FUZ: variants seen among roughly 807,000 people sequenced by gnomAD.
The protein encoded by FUZ is fuzzy planar cell polarity protein, also known as protein fuzzy homolog.
In FUZ, 31 loss-of-function variants were observed where a neutral mutation model predicts 43.1. The observed-to-expected ratio is 0.72, with a 90% confidence interval of 0.54 to 0.97. FUZ has a LOEUF of 0.97. Ranked by LOEUF, FUZ falls within the 50% of genes least tolerant of loss-of-function variation. The pLI is 0.00. For missense variants in FUZ, 539 were observed against 543.8 expected (o/e 0.99, Z 0.09); for synonymous variants, 274 against 250.0 (o/e 1.10, Z -0.91).
At position 49,809,482 on chromosome 19, in the gene FUZ, G is replaced by A; in HGVS notation, c.586C>T (p.Arg196Trp). 3 of 1,583,296 alleles carry A rather than the reference G, an allele frequency of 1.9e-6. No individual in the cohort carries two copies. Among genetic ancestry groups the A allele is most frequent in the Non-Finnish European group, 2.6e-6 (3 of 1,169,040 alleles). Residue 196 changes from arginine (R) to tryptophan (W), a missense_variant, in exon 6 of 11, where the codon CGG (arginine) becomes TGG (tryptophan). By Grantham distance (101) the Arg-to-Trp change is moderately radical. Transcript: ENST00000313777. This position sits in a 1 kb window ranked among gnomAD's most constrained non-coding sequence, Gnocchi z 5.1. Reference sequence around the variant, plus strand: ...AGCACGGCCTCGGGCGTCCCCAGCCGCCACCAACCCTCTGTTGCTGCCACC... The same window carrying A: ...AGCACGGCCTCGGGCGTCCCCAGCCACCACCAACCCTCTGTTGCTGCCACC... The part of the protein sequence containing the change: ...RVVAATEGWW[R>W]LGTPEAVLLP...
intron 5 of FUZ, among the ~76,000 whole-genome samples, chr19:49,810,516 T>C (rs1193420083): frequency 1.3e-5 from 2 of 151,202 alleles, no homozygotes; most frequent in Non-Finnish European, 3.0e-5. Context: ...CTACTAAAAA[T>C]ACAAAAAATT....
chr19:49,811,320 G>T, intron 5 of FUZ, 43 bp downstream of exon 5: 1 of 1,374,124 alleles, frequency 7.3e-7, no homozygotes, highest in Non-Finnish European at 1.0e-6. Flanking sequence ...CTGAGCCAGG[G>T]CCAGCAGAAC....
At position 49,813,219 on chromosome 19, in the gene FUZ, G is replaced by C; in HGVS notation, c.-113C>G. ...CCGGAGCCGCCAGAGGGCGAGATGG[G>C]GAGCTGATTGGAAGAGGATTAACTT... On this transcript the variant is annotated 5_prime_UTR_variant, in exon 1 of 11. Coordinates refer to ENST00000313777, the MANE Select transcript of FUZ (RefSeq NM_025129.5). 1.1e-6 allele frequency: 1 copy of C among 928,026 alleles called. No individual in the cohort carries two copies. Among genetic ancestry groups the C allele is most frequent in the South Asian group, 1.4e-5 (1 of 71,496 alleles). The allele number at this position is 928,026 out of a possible 1,614,324, so 57.5% of individuals were successfully genotyped here.
At position 49,812,699 on chromosome 19, in the gene FUZ, T is replaced by G; in HGVS notation, c.149A>C (p.His50Pro). The G allele has an allele frequency of 6.2e-7, 1 of 1,614,068 alleles. No homozygotes were observed. Among genetic ancestry groups the G allele is most frequent in the South Asian group, 1.1e-5 (1 of 91,072 alleles). The change falls in exon 2 of 11, where the codon CAC (histidine) becomes CCC (proline). Residue 50 changes from histidine to proline, a missense_variant. By Grantham distance (77) the His-to-Pro change is moderately conservative. Coordinates refer to ENST00000313777, the MANE Select transcript of FUZ (RefSeq NM_025129.5). ...CACCTCCAGATTCTGCCCAAACATG[T>G]GGACTCCATTGAGGGAACCGATGAC... The part of the protein sequence containing the change: ...FSVIGSLNGV[H>P]MFGQNLEVQL...
chr19:49,808,516 G>A (rs771785522), intron 9 of FUZ, 28 bp from the exon 10 acceptor site: 9 of 1,603,506 alleles, frequency 5.6e-6, no homozygotes, highest in Non-Finnish European at 7.7e-6. Flanking sequence ...CGGTGATGCA[G>A]AGCGCCTCCC....
At chr19:49,811,540 C>G (rs1228702567) in intron 4 of FUZ, 73 bp from the exon 5 acceptor site, 1 of 1,574,258 alleles carries the variant, frequency 6.4e-7, no homozygotes, top group East Asian at 2.2e-5. Flanking sequence ...CCTGTGGGAC[C>G]AGGCTGCCCC....
intron 10 of FUZ, 163 bp downstream of exon 10, chr19:49,808,251 C>T: frequency 1.3e-6 from 1 of 758,978 alleles, no homozygotes; most frequent in Non-Finnish European, 2.3e-6. Flanking sequence ...CCCTCCCTTC[C>T]CATCTGCATC....
chr19:49,813,026 G>A lies in FUZ; in HGVS notation c.81C>T (p.Ser27=), dbSNP rs1047970332. ...GACGGGCGGGGGCGCCGCCGCGACT[G>A]CTCCTGCAGAATAGGGGGACCCCGC... ...ASSGVPLFCR[S]SRGGAPARQQ... is the part of the protein sequence containing the mutation. The change falls in exon 1 of 11, where the codon AGC becomes AGT. Residue 27 remains serine, a synonymous_variant. Coordinates refer to ENST00000313777, the MANE Select transcript of FUZ (RefSeq NM_025129.5). 10 of 1,551,098 alleles carry A rather than the reference G, an allele frequency of 6.4e-6. No individual in the cohort carries two copies. Among genetic ancestry groups the A allele is most frequent in the Admixed American group, 2.0e-5 (1 of 50,988 alleles).
Position 49,809,856 on chromosome 19 carries a change from C to A in FUZ, c.493-281G>T. On this transcript the variant is annotated intron_variant, in intron 5 of 10. Transcript: ENST00000313777. The surrounding 1 kb of genome is among the most constrained non-coding windows in gnomAD (Gnocchi z 5.1). ...GTAACCGCAGCAGCTACCGTTCATC[C>A]AGGCCTGTTACATGCCGAGTAGGCA... 1 of 539,126 alleles carries A rather than the reference C, an allele frequency of 1.9e-6. No individual in the cohort carries two copies. The highest frequency in any genetic ancestry group is 3.4e-6 in the Non-Finnish European group (1 of 296,906). The allele number at this position is 539,126 out of a possible 1,614,324, so 33.4% of individuals were successfully genotyped here.
At chr19:49,807,520 C>T (rs903333736) in intron 10 of FUZ, 146 bp from the exon 11 acceptor site, 6 of 767,024 alleles carry the variant, frequency 7.8e-6, no homozygotes, top group Non-Finnish European at 1.3e-5. Flanking sequence ...CCTCGGGGCT[C>T]TAGCTGGCTG....
Position 49,809,830 on chromosome 19 carries a change from T to C in FUZ, c.493-255A>G. The C allele has an allele frequency of 6.9e-6, 4 of 575,946 alleles. No individual in the cohort carries two copies. Among genetic ancestry groups the C allele is most frequent in the Non-Finnish European group, 1.2e-5 (4 of 320,308 alleles). The allele number at this position is 575,946 out of a possible 1,614,324, so 35.7% of individuals were successfully genotyped here. ...TGGGCGGGCAAACTGAAGCTAATAA[T>C]GTAACCGCAGCAGCTACCGTTCATC... On this transcript the variant is annotated intron_variant, in intron 5 of 10. Coordinates refer to ENST00000313777, the MANE Select transcript of FUZ (RefSeq NM_025129.5). The surrounding 1 kb of genome is among the most constrained non-coding windows in gnomAD (Gnocchi z 5.1).
At chr19:49,812,872 G>A in intron 1 of FUZ, 124 bp downstream of exon 1, 2 of 1,356,184 alleles carry the variant, frequency 1.5e-6, no homozygotes, top group Non-Finnish European at 2.1e-6. Flanking sequence ...CAGGCTTATT[G>A]GTCCATTGCC....
chr19:49,812,484 G>A, intron 2 of FUZ, 131 bp downstream of exon 2: 2 of 1,393,146 alleles, frequency 1.4e-6, no homozygotes, highest in Non-Finnish European at 1.0e-6. Flanking sequence ...ATCAAAGAGG[G>A]TAACTGGCTT....
rs2123796050 is a variant in FUZ, at chr19:49,808,611, C to T, written c.921G>A (p.Lys307=). Residue 307 remains lysine, a synonymous_variant, in exon 9 of 11, where the codon AAG becomes AAA. Coordinates refer to ENST00000313777, the MANE Select transcript of FUZ (RefSeq NM_025129.5). ...LGLLLLHLEL[K]RCLFTVEPLG... is the part of the protein sequence containing the mutation. ...AGGGCTCCACGGTGAAGAGGCAGCG[C>T]TTCAGTTCCAGGTGGAGGAGCAGCA... 1 of 1,613,352 alleles carries T rather than the reference C, an allele frequency of 6.2e-7. No homozygotes were observed. Among genetic ancestry groups the T allele is most frequent in the Non-Finnish European group, 8.5e-7 (1 of 1,179,730 alleles).
Position 49,812,310 on chromosome 19 carries a change from CAG to C in FUZ, c.257_258del (p.Ser86Ter). ...AGCCTCAGCTCAGAGATGCCCACCT[CAG>C]ATGACAGAACAATGAGGGTGATGCT... ...HDSITLIVLS[S>X]EVGISELRLE... is the part of the protein sequence containing the mutation. On this transcript the variant is annotated frameshift_variant, in exon 3 of 11. Coordinates refer to ENST00000313777, the MANE Select transcript of FUZ (RefSeq NM_025129.5). LOFTEE classifies it high-confidence loss of function. 6.2e-7 allele frequency: 1 copy of C among 1,614,082 alleles called. No individual in the cohort carries two copies. Among genetic ancestry groups the C allele is most frequent in the East Asian group, 2.2e-5 (1 of 44,886 alleles).
At chr19:49,807,945 C>T (rs563243058) in intron 10 of FUZ, among the ~76,000 whole-genome samples, 3 of 152,350 alleles carry the variant, frequency 2.0e-5, no homozygotes, top group South Asian at 4.1e-4. Flanking sequence ...TCCTCCATAC[C>T]CTCAGCCTAT....
In FUZ at chr19:49,809,085, G is replaced by A; in HGVS notation, c.786+78C>T. The A allele has an allele frequency of 7.5e-7, 1 of 1,339,698 alleles. No homozygotes were observed. Among genetic ancestry groups the A allele is most frequent in the Non-Finnish European group, 1.0e-6 (1 of 955,494 alleles). 83.0% of individuals were successfully genotyped at this position (1,339,698 alleles called of 1,614,324 possible). A position where few individuals can be genotyped will look rare whatever the true frequency, so the allele number is the denominator to read the frequency against. On this transcript the variant is annotated intron_variant, in intron 7 of 10. Transcript: ENST00000313777. This position sits in a 1 kb window ranked among gnomAD's most constrained non-coding sequence, Gnocchi z 5.1. ...GCGGGGCTGGGGAAAGATGCCGCTGGCAGGGCAGGGTGGTGGGGAAGGGCC... is the reference window on the plus strand; with the variant it reads ...GCGGGGCTGGGGAAAGATGCCGCTGACAGGGCAGGGTGGTGGGGAAGGGCC...
rs1303491105 is a variant in FUZ, at chr19:49,809,303, T to G, written c.691-45A>C. The G allele has an allele frequency of 2.6e-6, 4 of 1,549,054 alleles. No homozygotes were observed. In the African/African-American group the frequency reaches 4.1e-5, roughly 16 times the overall value. ...GGGGCTCATCGCGGCCCGGCCCCTT[T>G]CCATCGCAGATCCCGCCTCCTCGCG... is the stretch of plus-strand genomic sequence containing the variant. On this transcript the variant is annotated intron_variant, in intron 6 of 10. Transcript: ENST00000313777. The surrounding 1 kb of genome is among the most constrained non-coding windows in gnomAD (Gnocchi z 5.1).
In FUZ at chr19:49,807,173, T is replaced by C. The variant is rs1204612407; in HGVS notation, c.1235A>G (p.His412Arg). The C allele has an allele frequency of 5.0e-6, 8 of 1,613,082 alleles. No homozygotes were observed. The African/African-American group carries it at 1.1e-4, about 22-fold the overall frequency. The change falls in exon 11 of 11, where the codon CAT (histidine) becomes CGT (arginine). Residue 412 changes from histidine (H) to arginine (R), a missense_variant. Coordinates refer to ENST00000313777, the MANE Select transcript of FUZ (RefSeq NM_025129.5). ...TAGTCAAAGAAGTGGGGTGAGGGCA[T>C]GCAGAGTGTGGGTGGCCAGGCTTCG... ...GLRSLATHTL[H>R]ALTPLL is the part of the protein sequence containing the mutation.
Sources: gnomAD v4.1 joint callset for allele counts (sites outside exome capture counted in the v4.1 genomes callset) on GRCh38, gnomAD v4.1.1 for gene constraint, Gnocchi (gnomAD v3.1) non-coding constraint, MANE v1.5 for transcripts, NCBI Gene and HGNC (gene_info 2026-07-23, HGNC 2026-07-21) for gene names.